MBNL2: variants seen among roughly 807,000 people sequenced by gnomAD.
The protein encoded by MBNL2 is muscleblind-like protein 2.
In MBNL2, 17 loss-of-function variants were observed where a neutral mutation model predicts 41.9. The ratio of observed to expected loss-of-function variants is 0.41; its 90% confidence interval spans 0.28 to 0.61. The LOEUF is 0.61. Among genes scored for constraint, MBNL2 ranks in the 20% least tolerant of loss-of-function variants. The pLI is 0.35. For synonymous variants in MBNL2, 195 were observed against 182.9 expected (o/e 1.07, Z -0.53); for missense variants, 336 against 505.6 (o/e 0.66, Z 3.22).
At chr13:97,330,789 T>C (rs1226127815) in intron 2 of MBNL2, among the ~76,000 whole-genome samples, 2 of 152,242 alleles carry the variant, frequency 1.3e-5, no homozygotes, top group East Asian at 3.8e-4. Context: ...TAGCTTGTTT[T>C]ATTTTGACAA....
chr13:97,382,552 A>G (rs1469011238), intron 8 of MBNL2, among the ~76,000 whole-genome samples: 1 of 152,212 alleles, frequency 6.6e-6, no homozygotes, highest in Non-Finnish European at 1.5e-5. Context: ...GTGTGGAATC[A>G]CAAATGTTGG....
intron 1 of MBNL2, among the ~76,000 whole-genome samples, chr13:97,223,380 G>A (rs1328045239): frequency 2.0e-5 from 3 of 152,196 alleles, no homozygotes; most frequent in Non-Finnish European, 4.4e-5. Context: ...AACACACTTG[G>A]CCCAGGAGAA....
rs1306993010 is a variant in MBNL2 at position 97,334,382 on chromosome 13, C to T, written c.281C>T (p.Ala94Val). 1 of 1,613,460 alleles carries T rather than the reference C, an allele frequency of 6.2e-7. No individual in the cohort carries two copies. Among genetic ancestry groups the T allele is most frequent in the East Asian group, 2.2e-5 (1 of 44,868 alleles). ...RNNLIQQKTA[A>V]AMLAQQMQFM... is the part of the protein sequence containing the mutation. ...AATTTGATTCAGCAAAAAACTGCAG[C>T]AGCAATGCTTGCCCAGCAGATGCAA... Residue 94 changes from alanine to valine, a missense_variant, in exon 3 of 9, where the codon GCA (alanine) becomes GTA (valine). Coordinates refer to ENST00000679496, the MANE Select transcript of MBNL2 (RefSeq NM_001382683.1). The surrounding 1 kb of genome is among the most constrained non-coding windows in gnomAD (Gnocchi z 5.3).
At chr13:97,228,078 G>T (rs893349942) in intron 1 of MBNL2, among the ~76,000 whole-genome samples, 1 of 152,120 alleles carries the variant, frequency 6.6e-6, no homozygotes, top group Non-Finnish European at 1.5e-5. Flanking sequence ...GAGTTGGGGG[G>T]GAAATGAATA....
intron 8 of MBNL2, among the ~76,000 whole-genome samples, chr13:97,374,228 A>G (rs1232071027): frequency 1.3e-5 from 2 of 151,616 alleles, no homozygotes; most frequent in African/African-American, 2.4e-5. Context: ...GCTCACTGCC[A>G]GCTCCGCCTC....
chr13:97,207,049 C>T, the MBNL2 span, among the ~76,000 whole-genome samples: 4 of 152,168 alleles, frequency 2.6e-5, no homozygotes, highest in Non-Finnish European at 5.9e-5. Context: ...ACAACTTTCT[C>T]CCTACCTCCT....
intron 3 of MBNL2, among the ~76,000 whole-genome samples, chr13:97,335,716 C>T (rs2060825905): frequency 6.6e-6 from 1 of 152,154 alleles, no homozygotes; most frequent in Non-Finnish European, 1.5e-5. Flanking sequence ...GAAAGCCTGC[C>T]TGGAGGAAGT....
intron 8 of MBNL2, among the ~76,000 whole-genome samples, chr13:97,388,485 T>C (rs978318827): frequency 6.6e-6 from 1 of 151,622 alleles, no homozygotes; most frequent in Non-Finnish European, 1.5e-5. Flanking sequence ...AGACAAGAGG[T>C]TCCTCTTTCT....
At chr13:97,260,937 T>A (rs927760551) in intron 1 of MBNL2, among the ~76,000 whole-genome samples, 1 of 152,108 alleles carries the variant, frequency 6.6e-6, no homozygotes, top group Non-Finnish European at 1.5e-5. Flanking sequence ...TTTAAAAACA[T>A]TATCTCAAAC....
chr13:97,354,182 T>C (rs116971625), intron 5 of MBNL2, among the ~76,000 whole-genome samples: 289 of 151,910 alleles, frequency 1.9e-3, no homozygotes, highest in Non-Finnish European at 3.5e-3. Flanking sequence ...GGCTGATACA[T>C]AGTGAGGGCT....
chr13:97,219,322 G>A (rs998031715), upstream of MBNL2, among the ~76,000 whole-genome samples: 10 of 152,304 alleles, frequency 6.6e-5, no homozygotes, highest in Non-Finnish European at 1.2e-4. Context: ...AAGCAGGCAG[G>A]GGCTACATGG....
At chr13:97,161,438 A>C in the MBNL2 span, among the ~76,000 whole-genome samples, 1 of 152,188 alleles carries the variant, frequency 6.6e-6, no homozygotes, top group Non-Finnish European at 1.5e-5. Context: ...AAACTCCCAG[A>C]ACATGTTGGA....
chr13:97,217,455 C>T (rs183744632), upstream of MBNL2, among the ~76,000 whole-genome samples: 7 of 152,042 alleles, frequency 4.6e-5, no homozygotes, highest in East Asian at 1.9e-4. Flanking sequence ...GTCAAGGTGC[C>T]GTGAGAGTCA....
chr13:97,300,466 T>C (rs1186472675), intron 2 of MBNL2, among the ~76,000 whole-genome samples: 1 of 152,200 alleles, frequency 6.6e-6, no homozygotes, highest in Non-Finnish European at 1.5e-5. Context: ...ATAAGGATTA[T>C]GTAACCTAGA....
intron 8 of MBNL2, among the ~76,000 whole-genome samples, chr13:97,380,201 A>G (rs1036726016): frequency 2.0e-5 from 3 of 152,188 alleles, no homozygotes; most frequent in African/African-American, 7.2e-5. Context: ...GTACGCTAAG[A>G]ACCCACCTTG....
the MBNL2 span, among the ~76,000 whole-genome samples, chr13:97,190,538 GAATAGCAGAAAAAC>G: frequency 6.6e-6 from 1 of 152,192 alleles, no homozygotes; most frequent in Non-Finnish European, 1.5e-5. Context: ...CAAAAGTGTA[GAATAGCAGAAAAAC>G]AATGGACTTA....
the MBNL2 span, among the ~76,000 whole-genome samples, chr13:97,214,786 T>G: frequency 6.6e-6 from 1 of 152,150 alleles, no homozygotes; most frequent in Non-Finnish European, 1.5e-5. Context: ...AAGGGCGAAT[T>G]CTAGTGAGCA....
the MBNL2 span, among the ~76,000 whole-genome samples, chr13:97,162,472 A>G: frequency 2.1e-3 from 316 of 152,238 alleles, no homozygotes; most frequent in African/African-American, 6.9e-3. Flanking sequence ...GTATTTTTCT[A>G]TTTCACACCT....
chr13:97,305,038 T>C (rs1281121373), intron 2 of MBNL2, among the ~76,000 whole-genome samples: 2 of 152,246 alleles, frequency 1.3e-5, no homozygotes, highest in Non-Finnish European at 2.9e-5. Flanking sequence ...CTGTGTTCTG[T>C]TGGGCTTTCT....
Sources: allele counts gnomAD v4.1 joint callset (sites outside exome capture counted in the v4.1 genomes callset), GRCh38; gene constraint gnomAD v4.1.1; non-coding constraint Gnocchi (gnomAD v3.1); transcripts MANE v1.5; gene names NCBI Gene and HGNC (gene_info 2026-07-23, HGNC 2026-07-21).